The following DMRT1 variants were observed in gnomAD, a reference collection of about 807,000 sequenced individuals.
DMRT1 encodes the protein doublesex and mab-3 related transcription factor 1.
DMRT1 carries 7 observed loss-of-function variants against 32.3 expected under a neutral mutation model. The ratio of observed to expected loss-of-function variants is 0.22; its 90% CI spans 0.12 to 0.41. The LOEUF (loss-of-function observed/expected upper bound fraction) is 0.41, where lower values mean the gene tolerates loss of function less well. Among genes scored for constraint, DMRT1 ranks in the 10% least tolerant of loss-of-function variants. The pLI, the probability that DMRT1 is intolerant of heterozygous loss-of-function variation, is 1.00. For synonymous variants in DMRT1, 278 were observed against 206.1 expected, an observed-to-expected ratio of 1.35 and a Z score of -2.99; for missense variants, 625 against 500.5, an observed-to-expected ratio of 1.25 and a Z score of -2.37.
chr9:914,543 C>T (rs1296038214), intron 3 of DMRT1, among the ~76,000 whole-genome samples: 1 of 129,580 alleles, frequency 7.7e-6, no homozygotes, highest in Non-Finnish European at 1.6e-5. Context: ...CACTGCAGTC[C>T]AGCCTGGGCG....
chr9:929,149 C>T lies in DMRT1; in HGVS notation c.967+12242C>T, dbSNP rs146954302. Among the ~76,000 whole-genome samples, 826 of 152,246 alleles carry T rather than the reference C, an allele frequency of 5.4e-3. 6 individuals carry two copies. Among genetic ancestry groups the T allele is most frequent in the South Asian group, 0.015 (71 of 4,818 alleles). On this transcript the variant is annotated intron_variant, in intron 4 of 4. Transcript: ENST00000382276. Reference sequence around the variant, plus strand: ...CCACCACTCCCGGCTTAAATTTTAGCACCCTGTATTTGTATTTGCTAAATC... The same window carrying T: ...CCACCACTCCCGGCTTAAATTTTAGTACCCTGTATTTGTATTTGCTAAATC...
intron 4 of DMRT1, 67 bp from the exon 5 acceptor site, chr9:967,918 A>C: frequency 1.4e-6 from 2 of 1,472,524 alleles, no homozygotes; most frequent in East Asian, 4.6e-5. Flanking sequence ...GAATGTATAA[A>C]GACCAGCCAC....
At chr9:914,064 A>C (rs924113256) in intron 3 of DMRT1, among the ~76,000 whole-genome samples, 3 of 152,162 alleles carry the variant, frequency 2.0e-5, no homozygotes, top group African/African-American at 7.2e-5. Context: ...TCATATGCGC[A>C]TTGAGAGCTG....
At chr9:908,955 C>T (rs1817877572) in intron 3 of DMRT1, among the ~76,000 whole-genome samples, 1 of 152,110 alleles carries the variant, frequency 6.6e-6, no homozygotes, top group Non-Finnish European at 1.5e-5. Flanking sequence ...CTTCACCCCT[C>T]CCCTGTCCAC....
intron 2 of DMRT1, among the ~76,000 whole-genome samples, chr9:869,079 T>C (rs1816117732): frequency 6.6e-6 from 1 of 152,146 alleles, no homozygotes; most frequent in Admixed American, 6.6e-5. Flanking sequence ...TAGTGCAGCT[T>C]CTCTTGGTAA....
intron 3 of DMRT1, among the ~76,000 whole-genome samples, chr9:915,743 A>ATTTTTTTTTTTTTTTTTTTTTTT (rs1818155361): frequency 6.6e-6 from 1 of 151,060 alleles, no homozygotes; most frequent in African/African-American, 2.5e-5. Flanking sequence ...TAATATATAT[A>ATTTTTTTTTTTTTTTTTTTTTTT]TATTTTTTAG....
At chr9:949,088 A>G (rs1564271272) in intron 4 of DMRT1, among the ~76,000 whole-genome samples, 3 of 151,956 alleles carry the variant, frequency 2.0e-5, no homozygotes, top group Admixed American at 6.6e-5. Context: ...GTGAGACTCC[A>G]TCTTAAAAAA....
intron 2 of DMRT1, among the ~76,000 whole-genome samples, chr9:886,040 G>C (rs1816915259): frequency 6.6e-6 from 1 of 152,152 alleles, no homozygotes; most frequent in South Asian, 2.1e-4. Context: ...GTGAGATCTA[G>C]CTTAAGAATT....
intron 4 of DMRT1, among the ~76,000 whole-genome samples, chr9:918,979 A>G (rs974237859): frequency 2.6e-5 from 4 of 152,138 alleles, no homozygotes; most frequent in African/African-American, 9.7e-5. Flanking sequence ...ATCAGCATTG[A>G]CACAGTGGGG....
chr9:861,178 T>C (rs1815647705), intron 2 of DMRT1, among the ~76,000 whole-genome samples: 1 of 151,508 alleles, frequency 6.6e-6, no homozygotes, highest in African/African-American at 2.4e-5. Context: ...AACAAAGGTC[T>C]CTGGTTTTCC....
chr9:929,474 G>C (rs182986660), intron 4 of DMRT1, among the ~76,000 whole-genome samples: 8 of 152,066 alleles, frequency 5.3e-5, no homozygotes, highest in Admixed American at 4.6e-4. Flanking sequence ...GATTGATGTT[G>C]TTTAGTAATT....
At chr9:881,476 GGATCTGA>G (rs1203874999) in intron 2 of DMRT1, among the ~76,000 whole-genome samples, 1 of 152,124 alleles carries the variant, frequency 6.6e-6, no homozygotes, top group Admixed American at 6.5e-5. Flanking sequence ...CATAAAAGCA[GGATCTGA>G]ATCCTATATC....
chr9:906,149 C>T lies in DMRT1; in HGVS notation c.823-10614C>T, dbSNP rs112769138. On this transcript the variant is annotated intron_variant, in intron 3 of 4. Coordinates refer to ENST00000382276, the MANE Select transcript of DMRT1 (RefSeq NM_021951.3). The stretch of plus-strand genomic sequence containing the variant: ...ATTTCAATTAGTTGGAGGTGGACTC[C>T]CTTCATGGTCTTAGAGTGGGCAGGG... 6.2e-3 allele frequency among the ~76,000 whole-genome samples: 943 copies of T among 152,160 alleles called. 9 individuals carry two copies. The highest frequency in any genetic ancestry group is 0.021 in the African/African-American group (886 of 41,512).
intron 1 of DMRT1, chr9:842,425 G>C: frequency 1.7e-6 from 1 of 586,126 alleles, no homozygotes; most frequent in South Asian, 2.1e-5. Context: ...AGTAGAGACG[G>C]GGGTTTCACC....
intron 2 of DMRT1, among the ~76,000 whole-genome samples, chr9:871,730 T>C (rs1361972515): frequency 2.0e-5 from 3 of 151,166 alleles, no homozygotes; most frequent in Non-Finnish European, 2.9e-5. Context: ...CGCCTCGGCC[T>C]CCCAAAGTGC....
At chr9:857,122 C>G (rs547215228) in intron 2 of DMRT1, among the ~76,000 whole-genome samples, 10 of 152,076 alleles carry the variant, frequency 6.6e-5, no homozygotes, top group Non-Finnish European at 1.3e-4. Flanking sequence ...CGAAACCAGC[C>G]ATGGTGAAAC....
chr9:910,753 C>T (rs574660615), intron 3 of DMRT1, among the ~76,000 whole-genome samples: 5 of 152,000 alleles, frequency 3.3e-5, no homozygotes, highest in Admixed American at 2.0e-4. Flanking sequence ...ATCCATGGGT[C>T]GTACTCTGGT....
At position 879,606 on chromosome 9, in the gene DMRT1, C is replaced by G. The variant is rs1816649772; in HGVS notation, c.539-14306C>G. ...ATTGTCACTATTCTTTGATACTAGA[C>G]CAAAACTTGACAAGTGGTAATTGCT... is the stretch of plus-strand genomic sequence containing the variant. On this transcript the variant is annotated intron_variant, in intron 2 of 4. Coordinates refer to ENST00000382276, the MANE Select transcript of DMRT1 (RefSeq NM_021951.3). Among the ~76,000 whole-genome samples, 5 of 152,100 alleles carry G rather than the reference C, an allele frequency of 3.3e-5. No homozygotes were observed. The South Asian group carries it at 1.0e-3, about 32-fold the overall frequency.
chr9:910,647 A>G (rs996209821), intron 3 of DMRT1, among the ~76,000 whole-genome samples: 2 of 152,094 alleles, frequency 1.3e-5, no homozygotes, highest in Non-Finnish European at 2.9e-5. Context: ...ACTGTAATGC[A>G]TATTCTTAAC....
Sources: allele counts gnomAD v4.1 joint callset (sites outside exome capture counted in the v4.1 genomes callset), GRCh38; gene constraint gnomAD v4.1.1; transcripts MANE v1.5; gene names NCBI Gene and HGNC (gene_info 2026-07-23, HGNC 2026-07-21).